Variants in GPC1 observed in about 807,000 individuals in gnomAD.
GPC1 encodes the protein glypican-1.
Under a neutral mutation model 51.5 loss-of-function variants are expected in GPC1, and 26 were observed. The observed-to-expected ratio is 0.50, with a 90% CI of 0.37 to 0.70. The LOEUF (loss-of-function observed/expected upper bound fraction) is 0.70. GPC1 is among the 30% of genes least tolerant of loss of function. The pLI, the probability that GPC1 is intolerant of heterozygous loss-of-function variation, is 0.00. For synonymous variants in GPC1, 380 were observed against 348.3 expected (o/e 1.09, Z -1.01); for missense variants, 775 against 800.5 (o/e 0.97, Z 0.38).
chr2:240,442,725 G>A (rs1204050917), intron 1 of GPC1, among the ~76,000 whole-genome samples: 1 of 152,242 alleles, frequency 6.6e-6, no homozygotes, highest in Non-Finnish European at 1.5e-5. Flanking sequence ...AGTTTAGCCT[G>A]TAGTGGGGAG....
intron 4 of GPC1, chr2:240,464,361 C>A: frequency 2.0e-6 from 1 of 501,016 alleles, no homozygotes; most frequent in South Asian, 2.2e-5. Flanking sequence ...AGCAAGCATG[C>A]AGAATGGCCT....
rs2074232015 is a variant in GPC1 at position 240,463,220 on chromosome 2, T to TGGGGC, written c.718-126_718-122dup. The TGGGGC allele has an allele frequency of 9.6e-6, 7 of 731,868 alleles. No individual in the cohort carries two copies. In the Admixed American group the frequency reaches 1.8e-4, roughly 19 times the overall value. The allele number at this position is 731,868 out of a possible 1,614,324, so 45.3% of individuals were successfully genotyped here. On this transcript the variant is annotated intron_variant, in intron 3 of 8. Coordinates refer to ENST00000264039, the MANE Select transcript of GPC1 (RefSeq NM_002081.3). ...GAGTCAGGCAGCGACCACCACGAGC[T>TGGGGC]GGGGCAGAGCAGAGGCCTCCCCTGA...
At position 240,436,084 on chromosome 2, in the gene GPC1, G is replaced by A; in HGVS notation, c.166G>A (p.Gly56Ser). 2 of 1,291,202 alleles carry A rather than the reference G, an allele frequency of 1.5e-6. No homozygotes were observed. The highest frequency in any genetic ancestry group is 2.8e-5 in the South Asian group (1 of 35,998). The allele number at this position is 1,291,202 out of a possible 1,614,324, so 80.0% of individuals were successfully genotyped here. The change falls in exon 1 of 9, where the codon GGT (glycine) becomes AGT (serine). Residue 56 changes from glycine (G) to serine (S), a missense_variant and splice_region_variant. Transcript: ENST00000264039. ...CGACGTGCCCCAGGCGGAGATCTCG[G>A]GTGAGTGAGGGCGCGGCGCCGGGAA... ...LSDVPQAEIS[G>S]EHLRICPQGY...
chr2:240,438,023 G>A (rs1196088245), intron 1 of GPC1, among the ~76,000 whole-genome samples: 2 of 152,234 alleles, frequency 1.3e-5, no homozygotes, highest in East Asian at 1.9e-4. Flanking sequence ...AGGGACCCAG[G>A]ACAGGCAGAT....
At chr2:240,446,830 C>A (rs529219872) in intron 1 of GPC1, among the ~76,000 whole-genome samples, 93 of 152,286 alleles carry the variant, frequency 6.1e-4, no homozygotes, top group African/African-American at 2.2e-3. Context: ...CCACATCATT[C>A]GGCCCGCAGA....
chr2:240,444,100 C>T (rs868622755), intron 1 of GPC1, among the ~76,000 whole-genome samples: 2 of 152,190 alleles, frequency 1.3e-5, no homozygotes, highest in Non-Finnish European at 2.9e-5. Context: ...GAACACGGCC[C>T]GGCTTCTTTG....
intron 1 of GPC1, among the ~76,000 whole-genome samples, chr2:240,446,755 C>T (rs1487827248): frequency 6.6e-6 from 1 of 152,178 alleles, no homozygotes; most frequent in Non-Finnish European, 1.5e-5. Context: ...CACTGGGGGC[C>T]AGCTCATTGA....
chr2:240,443,328 C>T (rs2074030109), intron 1 of GPC1, among the ~76,000 whole-genome samples: 1 of 152,208 alleles, frequency 6.6e-6, no homozygotes, highest in Non-Finnish European at 1.5e-5. Flanking sequence ...AGTGGGACTG[C>T]AGGGCGAGGG....
intron 1 of GPC1, chr2:240,452,223 A>G: frequency 6.5e-6 from 1 of 152,806 alleles, no homozygotes; most frequent in Non-Finnish European, 1.5e-5. Flanking sequence ...CGCACAGCAT[A>G]GACCTCCCAG....
intron 1 of GPC1, among the ~76,000 whole-genome samples, chr2:240,437,525 G>T (rs1226905031): frequency 2.0e-5 from 3 of 152,080 alleles, no homozygotes; most frequent in Admixed American, 2.0e-4. Flanking sequence ...CTCTGCAGAG[G>T]CAACCCTGTC....
intron 1 of GPC1, among the ~76,000 whole-genome samples, chr2:240,441,925 C>T (rs1396045436): frequency 2.1e-4 from 32 of 152,284 alleles, no homozygotes; most frequent in Admixed American, 1.9e-3. Context: ...CTTGGCCCGC[C>T]GTGGGTGGCG....
At chr2:240,455,803 C>T (rs1189903649) in intron 1 of GPC1, among the ~76,000 whole-genome samples, 1 of 152,222 alleles carries the variant, frequency 6.6e-6, no homozygotes, top group Non-Finnish European at 1.5e-5. Context: ...CCTCTGCCAT[C>T]TCATGTCCAG....
At position 240,443,826 on chromosome 2, in the gene GPC1, G is replaced by A. The variant is rs187881696; in HGVS notation, c.166+7742G>A. On this transcript the variant is annotated intron_variant, in intron 1 of 8. Transcript: ENST00000264039. ...TCGGCAGCACCAGGGGCTGTCTACCGGGTGGGCTGAATACCACTTAGTTTG... is the reference window on the plus strand; with the variant it reads ...TCGGCAGCACCAGGGGCTGTCTACCAGGTGGGCTGAATACCACTTAGTTTG... Among the ~76,000 whole-genome samples, 126 of 152,324 alleles carry A rather than the reference G, an allele frequency of 8.3e-4. 1 individual carries two copies. The highest frequency in any genetic ancestry group is 2.6e-3 in the African/African-American group (110 of 41,572).
At chr2:240,441,390 GGC>G (rs2074015928) in intron 1 of GPC1, among the ~76,000 whole-genome samples, 1 of 152,122 alleles carries the variant, frequency 6.6e-6, no homozygotes, top group South Asian at 2.1e-4. Flanking sequence ...GCCGTGCCCG[GGC>G]CAGTGAGAGG....
In GPC1 at chr2:240,462,342, G is replaced by A; in HGVS notation, c.477G>A (p.Leu159=). ...RLYYRGANLH[L]EETLAEFWAR... is the part of the protein sequence containing the mutation. ...ACTACCGCGGTGCCAACCTGCACCT[G>A]GAGGAGACGCTGGCCGAGTTCTGGG... The change falls in exon 3 of 9, where the codon CTG becomes CTA. Residue 159 remains leucine (L), a synonymous_variant. Transcript: ENST00000264039. 1 of 1,601,768 alleles carries A rather than the reference G, an allele frequency of 6.2e-7. No homozygotes were observed. The highest frequency in any genetic ancestry group is 1.1e-5 in the South Asian group (1 of 89,546).
chr2:240,465,703 C>A, intron 8 of GPC1, 55 bp downstream of exon 8: 1 of 1,505,936 alleles, frequency 6.6e-7, no homozygotes, highest in Non-Finnish European at 9.2e-7. Context: ...GGGGGTGCCA[C>A]AGGGGTGTGA....
At chr2:240,439,481 A>G (rs372554054) in intron 1 of GPC1, among the ~76,000 whole-genome samples, 5 of 152,140 alleles carry the variant, frequency 3.3e-5, no homozygotes, top group African/African-American at 1.2e-4. Flanking sequence ...CAGCCCGCCT[A>G]CCAGCTGGAG....
At chr2:240,464,482 C>A (rs1204981682) in intron 4 of GPC1, 134 bp from the exon 5 acceptor site, 1 of 1,210,866 alleles carries the variant, frequency 8.3e-7, no homozygotes, top group East Asian at 2.4e-5. Flanking sequence ...TGAGTGCACA[C>A]GTGGGATCTC....
At chr2:240,461,134 C>T (rs911802561) in intron 2 of GPC1, among the ~76,000 whole-genome samples, 4 of 152,194 alleles carry the variant, frequency 2.6e-5, no homozygotes, top group East Asian at 1.9e-4. Context: ...CAGGCCAGGG[C>T]GTTCCAGGCG....
Sources: gnomAD v4.1 joint callset for allele counts (sites outside exome capture counted in the v4.1 genomes callset) on GRCh38, gnomAD v4.1.1 for gene constraint, MANE v1.5 for transcripts, NCBI Gene and HGNC (gene_info 2026-07-23, HGNC 2026-07-21) for gene names.